Variants in RGS7 observed in about 807,000 individuals in gnomAD.
The protein encoded by RGS7 is regulator of G-protein signaling 7.
Under a neutral mutation model 81.1 loss-of-function variants are expected in RGS7, and 27 were observed. The ratio of observed to expected loss-of-function variants is 0.33; its 90% confidence interval spans 0.25 to 0.46. The LOEUF is 0.46. Ranked by LOEUF, RGS7 falls within the 20% of genes least tolerant of loss-of-function variation. RGS7 has a pLI of 1.00. For missense variants in RGS7, 396 were observed against 607.4 expected (o/e 0.65, Z 3.66); for synonymous variants, 208 against 207.7 (o/e 1.00, Z -0.01).
intron 6 of RGS7, among the ~76,000 whole-genome samples, chr1:240,912,389 T>C (rs901114463): frequency 3.3e-5 from 5 of 152,170 alleles, no homozygotes; most frequent in Non-Finnish European, 1.5e-5. Flanking sequence ...TTTTACACTT[T>C]AATGTACATC....
intron 6 of RGS7, among the ~76,000 whole-genome samples, chr1:240,889,059 G>A (rs531326833): frequency 9.9e-5 from 15 of 152,248 alleles, no homozygotes; most frequent in East Asian, 5.8e-4. Flanking sequence ...GGGTTCAAGC[G>A]ATTCTCCTTG....
chr1:241,010,997 T>C (rs913502932), intron 3 of RGS7, among the ~76,000 whole-genome samples: 1 of 152,156 alleles, frequency 6.6e-6, no homozygotes, highest in Non-Finnish European at 1.5e-5. Context: ...CAGATTTTTT[T>C]GGACCTCTAA....
chr1:241,013,165 C>T (rs541659840), intron 3 of RGS7, among the ~76,000 whole-genome samples: 9 of 148,150 alleles, frequency 6.1e-5, no homozygotes, highest in African/African-American at 2.2e-4. Flanking sequence ...CGGGTTCAAG[C>T]GATTCTCGTG....
chr1:241,178,183 T>A (rs143677576), intron 2 of RGS7, among the ~76,000 whole-genome samples: 2 of 151,980 alleles, frequency 1.3e-5, no homozygotes, highest in South Asian at 4.2e-4. Flanking sequence ...TCCCAGCTAT[T>A]TGAGAGACTG....
At chr1:241,202,436 C>T (rs1915881) in intron 2 of RGS7, among the ~76,000 whole-genome samples, 34,560 of 152,092 alleles carry the variant, frequency 0.23, 5,988 homozygotes, top group African/African-American at 0.49. Flanking sequence ...CATACAAATT[C>T]ATTTGGTCAT....
chr1:241,044,125 T>C (rs149704128), intron 3 of RGS7, among the ~76,000 whole-genome samples: 1,570 of 151,156 alleles, frequency 0.01, 18 homozygotes, highest in African/African-American at 0.036. Context: ...TTTTTTTTTT[T>C]TGGTTTGAGA....
At chr1:240,813,230 G>T (rs907350911) in intron 13 of RGS7, among the ~76,000 whole-genome samples, 2 of 152,112 alleles carry the variant, frequency 1.3e-5, no homozygotes, top group Admixed American at 6.5e-5. Flanking sequence ...AATTTATAAA[G>T]ACATACTTGT....
At chr1:241,355,872 C>T (rs1472209679) in intron 1 of RGS7, 46 bp from the exon 2 acceptor site, 10 of 981,572 alleles carry the variant, frequency 1.0e-5, no homozygotes, top group Admixed American at 3.5e-5. Context: ...GTGGGACTCC[C>T]CTGATTCATC....
chr1:241,140,415 G>A (rs942873089), intron 2 of RGS7, among the ~76,000 whole-genome samples: 3 of 152,092 alleles, frequency 2.0e-5, no homozygotes, highest in Non-Finnish European at 2.9e-5. Context: ...CTTCTGGAGA[G>A]AGCTTCTTTT....
At chr1:240,996,388 A>T (rs563251795) in intron 3 of RGS7, among the ~76,000 whole-genome samples, 3 of 152,198 alleles carry the variant, frequency 2.0e-5, no homozygotes, top group Non-Finnish European at 4.4e-5. Context: ...TCAGTTACTG[A>T]TAAAGGAGTG....
intron 2 of RGS7, among the ~76,000 whole-genome samples, chr1:241,226,877 A>G (rs1176201565): frequency 6.6e-6 from 1 of 152,252 alleles, no homozygotes. Flanking sequence ...GAAGTTTCAG[A>G]AACTACATTG....
intron 6 of RGS7, among the ~76,000 whole-genome samples, chr1:240,875,688 C>T (rs1455458365): frequency 1.3e-5 from 2 of 152,204 alleles, no homozygotes; most frequent in Non-Finnish European, 2.9e-5. Flanking sequence ...CACATTCTCC[C>T]CAACGCTTGT....
At chr1:241,098,535 C>G (rs2064465144) in intron 3 of RGS7, 131 bp downstream of exon 3, 1 of 711,696 alleles carries the variant, frequency 1.4e-6, no homozygotes, top group Non-Finnish European at 2.5e-6. Context: ...AAATATACCA[C>G]AGGCATTTTA....
intron 2 of RGS7, among the ~76,000 whole-genome samples, chr1:241,283,767 C>A (rs570833494): frequency 7.2e-5 from 11 of 152,066 alleles, no homozygotes; most frequent in African/African-American, 9.7e-5. Flanking sequence ...AATGTTAGAT[C>A]TTTAATTGTA....
Position 241,357,177 on chromosome 1 carries a change from C to T in RGS7, c.-329G>A, listed in dbSNP as rs1334173539. ...CCTCCTCCGCTTCTTCTCCCGGGGA[C>T]TGGGACCAGCCGAGCGCGCGCGGGA... On this transcript the variant is annotated 5_prime_UTR_variant, in exon 1 of 19. Coordinates refer to ENST00000440928, the MANE Select transcript of RGS7 (RefSeq NM_001364886.1). 6.6e-6 allele frequency: 1 copy of T among 152,056 alleles called. No homozygotes were observed. The highest frequency in any genetic ancestry group is 6.5e-5 in the Admixed American group (1 of 15,270). The allele number at this position is 152,056 out of a possible 1,614,324, so 9.4% of individuals were successfully genotyped here.
At chr1:241,184,624 A>G (rs752075497) in intron 2 of RGS7, among the ~76,000 whole-genome samples, 1 of 152,192 alleles carries the variant, frequency 6.6e-6, no homozygotes, top group Non-Finnish European at 1.5e-5. Context: ...CTTCATTTCC[A>G]TTTATTTAAA....
chr1:241,120,099 G>T (rs2102991238), intron 2 of RGS7, among the ~76,000 whole-genome samples: 1 of 152,198 alleles, frequency 6.6e-6, no homozygotes, highest in South Asian at 2.1e-4. Context: ...AAAGTACTTG[G>T]CATATTATGA....
At chr1:240,977,734 T>C (rs1684351580) in intron 4 of RGS7, among the ~76,000 whole-genome samples, 1 of 152,134 alleles carries the variant, frequency 6.6e-6, no homozygotes, top group African/African-American at 2.4e-5. Context: ...AACAGCAGAA[T>C]ATATGTGAGA....
chr1:240,855,308 C>CAAAAAAAAAAA (rs758331434), intron 9 of RGS7, among the ~76,000 whole-genome samples: 5 of 14,918 alleles, frequency 3.4e-4, no homozygotes, highest in African/African-American at 9.2e-4. Flanking sequence ...GACCATGTCT[C>CAAAAAAAAAAA]AAAAAAAAAA....
Sources: gnomAD v4.1 joint callset for allele counts (sites outside exome capture counted in the v4.1 genomes callset) on GRCh38, gnomAD v4.1.1 for gene constraint, MANE v1.5 for transcripts, NCBI Gene and HGNC (gene_info 2026-07-23, HGNC 2026-07-21) for gene names.